Variants in KIF7 observed in about 807,000 individuals in gnomAD.
KIF7 encodes kinesin-like protein KIF7.
In KIF7, 104 loss-of-function variants were observed where a neutral mutation model predicts 135.7. The ratio of observed to expected loss-of-function variants is 0.77; its 90% CI spans 0.65 to 0.90. KIF7 has a LOEUF of 0.90. Among genes scored for constraint, KIF7 ranks in the 40% least tolerant of loss-of-function variants. The pLI, the probability that KIF7 is intolerant of heterozygous loss-of-function variation, is 0.00. For synonymous variants in KIF7, 883 were observed against 809.4 expected (o/e 1.09, Z -1.54); for missense variants, 2,005 against 1,839.1 (o/e 1.09, Z -1.65).
chr15:89,645,055 T>A lies in KIF7; in HGVS notation c.2149A>T (p.Ile717Phe), dbSNP rs775039962. 3.1e-6 allele frequency: 5 copies of A among 1,607,184 alleles called. No individual in the cohort carries two copies. The highest frequency in any genetic ancestry group is 4.2e-6 in the Non-Finnish European group (5 of 1,179,978). ...CCAATAAGCTCCTCCTTCATGCGGATGTTGATAGCCAGCTCCCGGATCTTC... is the reference window on the plus strand; with the variant it reads ...CCAATAAGCTCCTCCTTCATGCGGAAGTTGATAGCCAGCTCCCGGATCTTC... ...QQKIRELAIN[I>F]RMKEELIGEL... Residue 717 changes from isoleucine to phenylalanine, a missense_variant, in exon 10 of 19, where the codon ATC becomes TTC. Physicochemically the swap from Ile to Phe is conservative, Grantham distance 21 (BLOSUM62 0). Transcript: ENST00000394412.
At position 89,652,918 on chromosome 15, in the gene KIF7, C is replaced by A. The variant is rs1964147870; in HGVS notation, c.13G>T (p.Ala5Ser). Residue 5 changes from alanine to serine, a missense_variant, in exon 2 of 19, where the codon GCT becomes TCT. Coordinates refer to ENST00000394412, the MANE Select transcript of KIF7 (RefSeq NM_198525.3). ...TCCTCAGCCCCTGGCAGCCTCTGAGCCTCCAGCCCCATGCCGAGGGAGGAC... is the reference window on the plus strand; with the variant it reads ...TCCTCAGCCCCTGGCAGCCTCTGAGACTCCAGCCCCATGCCGAGGGAGGAC... Reference protein sequence around the residue: MGLEAQRLPGAEEAP... With the variant: MGLESQRLPGAEEAP... 2.0e-6 allele frequency: 3 copies of A among 1,521,362 alleles called. No individual in the cohort carries two copies. Among genetic ancestry groups the A allele is most frequent in the Admixed American group, 2.0e-5 (1 of 50,298 alleles). The allele number at this position is 1,521,362 out of a possible 1,614,324, so 94.2% of individuals were successfully genotyped here.
chr15:89,649,585 C>T (rs1964090013), intron 3 of KIF7, among the ~76,000 whole-genome samples, 156 bp downstream of exon 3: 1 of 152,220 alleles, frequency 6.6e-6, no homozygotes, highest in Admixed American at 6.5e-5. Flanking sequence ...GAAGCATGTA[C>T]TGAACTCAGT....
chr15:89,642,497 C>A (rs1963942560), intron 10 of KIF7, 92 bp from the exon 11 acceptor site: 2 of 1,107,050 alleles, frequency 1.8e-6, no homozygotes, highest in Admixed American at 2.3e-5. Context: ...AGCCCTTGGA[C>A]ACCTGTGTGG....
the KIF7 span, among the ~76,000 whole-genome samples, chr15:89,660,684 G>C: frequency 1.3e-5 from 2 of 152,226 alleles, no homozygotes; most frequent in African/African-American, 4.8e-5. Context: ...CTGTGTGCTA[G>C]ACTGTACTAT....
At chr15:89,640,121 A>G (rs566733614) in intron 11 of KIF7, among the ~76,000 whole-genome samples, 1 of 150,610 alleles carries the variant, frequency 6.6e-6, no homozygotes, top group East Asian at 2.0e-4. Context: ...GAAGGGGAAC[A>G]TCACACTCTG....
intron 1 of KIF7, chr15:89,619,714 GTC>G: frequency 6.2e-7 from 1 of 1,609,246 alleles, no homozygotes; most frequent in East Asian, 2.2e-5. Context: ...ACAGAAATAA[GTC>G]TGAGACGAAG....
At chr15:89,624,358 G>A (rs530418213), downstream of KIF7, 1 of 1,614,140 alleles carries the variant, frequency 6.2e-7, no homozygotes, top group African/African-American at 1.3e-5. Flanking sequence ...ACCCAGCGTA[G>A]CTGCATCTCT....
At chr15:89,640,636 G>A (rs777427745) in intron 11 of KIF7, among the ~76,000 whole-genome samples, 12 of 152,010 alleles carry the variant, frequency 7.9e-5, no homozygotes, top group Admixed American at 2.6e-4. Flanking sequence ...AAGGATGGAC[G>A]GATGGAAGGG....
chr15:89,647,967 A>C (rs553413428), intron 5 of KIF7, among the ~76,000 whole-genome samples: 2 of 152,262 alleles, frequency 1.3e-5, no homozygotes, highest in South Asian at 4.1e-4. Context: ...GGAACAATTT[A>C]CTGCGTCTTC....
Position 89,633,217 on chromosome 15 carries a change from G to T in KIF7, c.2642C>A (p.Thr881Lys). 6.3e-7 allele frequency: 1 copy of T among 1,595,690 alleles called. No homozygotes were observed. Among genetic ancestry groups the T allele is most frequent in the Non-Finnish European group, 8.5e-7 (1 of 1,173,664 alleles). ...CCTCTGGAATGCCGCGATCTCTTCC[G>T]TCTTAATCTTCAGGATCTTCTGCTG... is the stretch of plus-strand genomic sequence containing the variant. ...EQQQKILKIK[T>K]EEIAAFQRKR... is the part of the protein sequence containing the mutation. The change falls in exon 13 of 19, where the codon ACG becomes AAG. Residue 881 changes from threonine (T) to lysine (K), a missense_variant. Physicochemically the swap from Thr to Lys is moderately conservative, Grantham distance 78. Transcript: ENST00000394412.
At chr15:89,629,269 G>T in intron 17 of KIF7, 106 bp downstream of exon 17, 2 of 1,189,162 alleles carry the variant, frequency 1.7e-6, no homozygotes, top group Non-Finnish European at 2.3e-6. Flanking sequence ...CAGGGGCTGT[G>T]AGTGGCAGGG....
At chr15:89,655,053 G>A (rs1021669930) in intron 1 of KIF7, among the ~76,000 whole-genome samples, 24 of 152,358 alleles carry the variant, frequency 1.6e-4, no homozygotes, top group African/African-American at 5.8e-4. Context: ...GCCGGGGCAG[G>A]GCAGCTGGGG....
At chr15:89,622,308 C>G (rs1324861034) in intron 1 of KIF7, among the ~76,000 whole-genome samples, 1 of 151,960 alleles carries the variant, frequency 6.6e-6, no homozygotes, top group African/African-American at 2.4e-5. Context: ...CTTGTACCCA[C>G]CCCCTCTTCT....
chr15:89,643,885 GAAAAA>G (rs11358124), intron 10 of KIF7, among the ~76,000 whole-genome samples: 1 of 91,546 alleles, frequency 1.1e-5, no homozygotes. Flanking sequence ...CTCCGTCTCA[GAAAAA>G]AAAAAAAAAA....
downstream of KIF7, chr15:89,627,003 A>T (rs199713418): frequency 3.6e-5 from 58 of 1,614,134 alleles, no homozygotes; most frequent in East Asian, 1.1e-3. Flanking sequence ...CTCTCCTTTC[A>T]GTCGCGCTTT....
chr15:89,640,041 A>G (rs1202505749), intron 11 of KIF7, among the ~76,000 whole-genome samples: 1 of 152,078 alleles, frequency 6.6e-6, no homozygotes, highest in African/African-American at 2.4e-5. Flanking sequence ...CTATCACAAG[A>G]ACAAAAAACC....
At chr15:89,660,028 C>A (rs751103700), upstream of KIF7, among the ~76,000 whole-genome samples, 15 of 152,324 alleles carry the variant, frequency 9.8e-5, no homozygotes, top group Non-Finnish European at 1.6e-4. Context: ...GAAAACCCAT[C>A]TCTACTGAAA....
rs1269917189 is a variant in KIF7, at chr15:89,628,352, A to AAAAC, written c.*63_*66dup. The AAAAC allele has an allele frequency of 2.0e-6, 3 of 1,536,002 alleles. No individual in the cohort carries two copies. The African/African-American group carries it at 4.2e-5, about 21-fold the overall frequency. On this transcript the variant is annotated 3_prime_UTR_variant, in exon 19 of 19. Coordinates refer to ENST00000394412, the MANE Select transcript of KIF7 (RefSeq NM_198525.3). ...GGTAAGGACTGCCCTTCACAGAAGC[A>AAAAC]AAACAGGCAGCTGCCCCTTTCAGCA... is the stretch of plus-strand genomic sequence containing the variant.
intron 2 of KIF7, among the ~76,000 whole-genome samples, chr15:89,617,689 C>CTTT (rs35732953): frequency 1.8e-3 from 179 of 98,760 alleles, no homozygotes; most frequent in Admixed American, 5.1e-3. Flanking sequence ...ACCCAGCTAT[C>CTTT]TTTTTTTTTT....
Sources: gnomAD v4.1 joint callset for allele counts (sites outside exome capture counted in the v4.1 genomes callset) on GRCh38, gnomAD v4.1.1 for gene constraint, MANE v1.5 for transcripts, NCBI Gene and HGNC (gene_info 2026-07-23, HGNC 2026-07-21) for gene names.